The following ADAM8 variants were observed in gnomAD, a reference collection of about 807,000 sequenced individuals.
ADAM8 encodes the protein disintegrin and metalloproteinase domain-containing protein 8.
ADAM8 carries 104 observed loss-of-function variants against 102.4 expected under a neutral mutation model. That is an observed-to-expected ratio of 1.02 (90% CI 0.87 to 1.20). The LOEUF (loss-of-function observed/expected upper bound fraction) is 1.20, where lower values mean the gene tolerates loss of function less well. Among genes scored for constraint, ADAM8 ranks in the 50% most tolerant of loss-of-function variants. The pLI is 0.00. For synonymous variants in ADAM8, 517 were observed against 485.2 expected, an observed-to-expected ratio of 1.07 and a Z score of -0.86; for missense variants, 1,132 against 1,159.0, an observed-to-expected ratio of 0.98 and a Z score of 0.34.
rs536126291 is a variant in ADAM8 at position 133,272,827 on chromosome 10, C to T, written c.676G>A (p.Val226Met). The change falls in exon 8 of 23, where the codon GTG becomes ATG. Residue 226 changes from valine (V) to methionine (M), a missense_variant. By Grantham distance (21) the Val-to-Met change is conservative. Transcript: ENST00000445355. ...TCCACGTGATTCACCACCTCCAGCA[C>T]CCGATGACGCACGGCTGCTTCGCTC... Reference protein sequence around the residue: ...LGSEAAVRHRVLEVVNHVDKL... With the variant: ...LGSEAAVRHRMLEVVNHVDKL... 1.1e-5 allele frequency: 17 copies of T among 1,611,404 alleles called. No individual in the cohort carries two copies. The East Asian group carries it at 3.3e-4, about 32-fold the overall frequency.
Position 133,275,594 on chromosome 10 carries a change from G to C in ADAM8, c.47-7C>G. ...GGCCGGCTGGGGGCAATCGCTGCAG[G>C]AGGGAGGGTCAGCAGGCATGAGGGG... On this transcript the variant is annotated splice_region_variant and splice_polypyrimidine_tract_variant and intron_variant, in intron 1 of 22. Coordinates refer to ENST00000445355, the MANE Select transcript of ADAM8 (RefSeq NM_001109.5). 1 of 1,464,136 alleles carries C rather than the reference G, an allele frequency of 6.8e-7. No homozygotes were observed. The highest frequency in any genetic ancestry group is 9.0e-7 in the Non-Finnish European group (1 of 1,106,352). 90.7% of individuals were successfully genotyped at this position (1,464,136 alleles called of 1,614,324 possible).
At chr10:133,275,616 G>C (rs1242529751) in intron 1 of ADAM8, 29 bp from the exon 2 acceptor site, 2 of 1,274,216 alleles carry the variant, frequency 1.6e-6, no homozygotes, top group Non-Finnish European at 2.1e-6. Flanking sequence ...GCAGGCATGA[G>C]GGGCCGGGGG....
chr10:133,266,308 C>T (rs1292860999), intron 21 of ADAM8, among the ~76,000 whole-genome samples: 3 of 152,120 alleles, frequency 2.0e-5, no homozygotes, highest in African/African-American at 4.8e-5. Flanking sequence ...CTCGGCTGCG[C>T]GCCCACACTG....
In ADAM8 at chr10:133,270,449, A is replaced by G. The variant is rs186828920; in HGVS notation, c.1696T>C (p.Cys566Arg). The G allele has an allele frequency of 1.2e-6, 2 of 1,606,244 alleles. No individual in the cohort carries two copies. The highest frequency in any genetic ancestry group is 2.7e-5 in the African/African-American group (2 of 74,952). ...AGCGCGTGGCACACATCCACGATGCAGATGGCACGCCCCAGGGGCTGCTGC... is the reference window on the plus strand; with the variant it reads ...AGCGCGTGGCACACATCCACGATGCGGATGGCACGCCCCAGGGGCTGCTGC... ...GGQQPLGRAI[C>R]IVDVCHALTT... Residue 566 changes from cysteine (C) to arginine (R), a missense_variant, in exon 16 of 23, where the codon TGC becomes CGC. Physicochemically the swap from Cys to Arg is radical, Grantham distance 180 (BLOSUM62 -3). Transcript: ENST00000445355.
chr10:133,263,839 G>A (rs1196911146), intron 21 of ADAM8, 74 bp from the exon 22 acceptor site: 5 of 1,274,392 alleles, frequency 3.9e-6, no homozygotes, highest in Non-Finnish European at 5.2e-6. Flanking sequence ...CACCTTCTCT[G>A]GACCTGGAAC....
Position 133,273,153 on chromosome 10 carries a change from A to G in ADAM8, c.573+101T>C. 5.7e-6 allele frequency: 9 copies of G among 1,582,312 alleles called. No homozygotes were observed. The South Asian group carries it at 1.0e-4, about 18-fold the overall frequency. On this transcript the variant is annotated intron_variant, in intron 6 of 22. Transcript: ENST00000445355. The stretch of plus-strand genomic sequence containing the variant: ...TGGCCAGGCCTGCTCCAGGCTGCAG[A>G]CAATGGGCAGCACCCAGCACATGGG...
rs1846774479 is a variant in ADAM8, at chr10:133,276,796, G to C, written c.22C>G (p.Leu8Val). The C allele has an allele frequency of 2.6e-6, 4 of 1,532,400 alleles. No individual in the cohort carries two copies. Among genetic ancestry groups the C allele is most frequent in the Non-Finnish European group, 3.5e-6 (4 of 1,142,204 alleles). 94.9% of individuals were successfully genotyped at this position (1,532,400 alleles called of 1,614,324 possible). A position where few individuals can be genotyped will look rare whatever the true frequency, so the allele number is the denominator to read the frequency against. Residue 8 changes from leucine to valine, a missense_variant, in exon 1 of 23, where the codon CTG becomes GTG. Physicochemically the swap from Leu to Val is conservative, Grantham distance 32. Coordinates refer to ENST00000445355, the MANE Select transcript of ADAM8 (RefSeq NM_001109.5). MRGLGLW[L>V]LGAMMLPAIA... is the part of the protein sequence containing the mutation. ...CCAGGCAGCATCATCGCGCCCAGCA[G>C]CCAGAGCCCGAGGCCGCGCATGGCC...
intron 21 of ADAM8, 165 bp from the exon 22 acceptor site, chr10:133,263,930 C>T (rs1279394485): frequency 2.7e-5 from 15 of 547,742 alleles, no homozygotes; most frequent in Non-Finnish European, 3.6e-5. Context: ...GAAAAGCCCT[C>T]CTGGCTGCCA....
Position 133,270,955 on chromosome 10 carries a change from G to A in ADAM8, c.1490C>T (p.Pro497Leu). 2 of 1,612,806 alleles carry A rather than the reference G, an allele frequency of 1.2e-6. No individual in the cohort carries two copies. Among genetic ancestry groups the A allele is most frequent in the Non-Finnish European group, 1.7e-6 (2 of 1,179,936 alleles). ...PEDAFQENGTPCSGGYCYNGA... is the reference protein window; with the variant it reads ...PEDAFQENGTLCSGGYCYNGA... ...GTTGTAGCAGTAGCCCCCGGAGCAG[G>A]GCGTGCCGTTCTCCTGGAAGGCGTC... The change falls in exon 14 of 23, where the codon CCC becomes CTC. Residue 497 changes from proline to leucine, a missense_variant. By Grantham distance (98) the Pro-to-Leu change is moderately conservative (BLOSUM62 -3). Coordinates refer to ENST00000445355, the MANE Select transcript of ADAM8 (RefSeq NM_001109.5).
At chr10:133,275,674 T>C (rs1288398308) in intron 1 of ADAM8, 87 bp from the exon 2 acceptor site, 5 of 703,694 alleles carry the variant, frequency 7.1e-6, no homozygotes, top group Non-Finnish European at 1.1e-5. Flanking sequence ...TTCTGTCTCT[T>C]GCTGGGCTTG....
In ADAM8 at chr10:133,269,108, G is replaced by A. The variant is rs79619322; in HGVS notation, c.1949-246C>T. 3.9e-5 allele frequency: 38 copies of A among 985,450 alleles called. No homozygotes were observed. In the East Asian group the frequency reaches 3.9e-3, roughly 100 times the overall value. The allele number at this position is 985,450 out of a possible 1,614,324, so 61.0% of individuals were successfully genotyped here. A position where few individuals can be genotyped will look rare whatever the true frequency, so the allele number is the denominator to read the frequency against. ...GCCTTTGAGGCCTGATGCTCTGGAC[G>A]ACCACATGCTCAGTGGCCGCCGGGG... On this transcript the variant is annotated intron_variant, in intron 18 of 22. Transcript: ENST00000445355.
chr10:133,270,888 C>T lies in ADAM8; in HGVS notation c.1557G>A (p.Trp519Ter). The change falls in exon 14 of 23, where the codon TGG (tryptophan) becomes TGA (stop). Residue 519 changes from tryptophan to a stop codon, truncating the protein, a stop_gained. Transcript: ENST00000445355. LOFTEE classifies it high-confidence loss of function. The stretch of plus-strand genomic sequence containing the variant: ...GCTCTGTGCCCACTTCACCTGGCCC[C>T]CAGAAGGCCTGGCACTGCTGGGCCA... ...PTLAQQCQAF[W>*]GPGGQAAEES... is the part of the protein sequence containing the mutation. 6.2e-7 allele frequency: 1 copy of T among 1,610,722 alleles called. No individual in the cohort carries two copies. Among genetic ancestry groups the T allele is most frequent in the African/African-American group, 1.3e-5 (1 of 75,014 alleles).
intron 2 of ADAM8, chr10:133,275,033 C>T: frequency 6.9e-6 from 2 of 290,222 alleles, no homozygotes; most frequent in South Asian, 5.5e-5. Context: ...CACATGTGTG[C>T]ACACCCACCC....
intron 17 of ADAM8, 56 bp from the exon 18 acceptor site, chr10:133,269,585 G>A (rs1846449073): frequency 1.3e-6 from 2 of 1,485,436 alleles, no homozygotes; most frequent in East Asian, 2.4e-5. Context: ...AGGGGCCGTG[G>A]GGGCCGTGCC....
Position 133,275,019 on chromosome 10 carries a change from C to T in ADAM8, c.150+465G>A, listed in dbSNP as rs115570579. ...GAAACAGGTGCACACATGCATATGCCGTGCACATGTGTGCACACCCACCCA... is the reference window on the plus strand; with the variant it reads ...GAAACAGGTGCACACATGCATATGCTGTGCACATGTGTGCACACCCACCCA... On this transcript the variant is annotated intron_variant, in intron 2 of 22. Coordinates refer to ENST00000445355, the MANE Select transcript of ADAM8 (RefSeq NM_001109.5). The T allele has an allele frequency of 2.4e-3, 776 of 319,406 alleles. 5 individuals are homozygous for T. Among genetic ancestry groups the T allele is most frequent in the African/African-American group, 0.016 (710 of 44,746 alleles). The allele number at this position is 319,406 out of a possible 1,614,324, so 19.8% of individuals were successfully genotyped here. A position where few individuals can be genotyped will look rare whatever the true frequency, so the allele number is the denominator to read the frequency against.
At chr10:133,269,347 C>T in intron 18 of ADAM8, 98 bp downstream of exon 18, 1 of 1,332,458 alleles carries the variant, frequency 7.5e-7, no homozygotes, top group Non-Finnish European at 9.9e-7. Flanking sequence ...GCACCGTGAA[C>T]ACCACCAGCT....
rs763702954 is a variant in ADAM8 at position 133,271,190 on chromosome 10, C to T, written c.1374+10G>A. 8 of 1,608,950 alleles carry T rather than the reference C, an allele frequency of 5.0e-6. No individual in the cohort carries two copies. The highest frequency in any genetic ancestry group is 1.7e-5 in the Admixed American group (1 of 59,728). On this transcript the variant is annotated intron_variant, in intron 13 of 22. Coordinates refer to ENST00000445355, the MANE Select transcript of ADAM8 (RefSeq NM_001109.5). ...GGCTCTGGGGGTCACTGGTGGGAGGCTGCACTCACCTTGCACTCCTGGCAG... is the reference window on the plus strand; with the variant it reads ...GGCTCTGGGGGTCACTGGTGGGAGGTTGCACTCACCTTGCACTCCTGGCAG...
At chr10:133,272,743 C>CA (rs1394019543) in intron 8 of ADAM8, 55 bp downstream of exon 8, 1 of 1,557,358 alleles carries the variant, frequency 6.4e-7, no homozygotes, top group Non-Finnish European at 8.7e-7. Context: ...TGGCAACACC[C>CA]CCCCCACCTC....
Position 133,267,358 on chromosome 10 carries a change from T to A in ADAM8, c.2313A>T (p.Pro771=). The change falls in exon 21 of 23, where the codon CCA becomes CCT. Residue 771 remains proline (P), a synonymous_variant. Coordinates refer to ENST00000445355, the MANE Select transcript of ADAM8 (RefSeq NM_001109.5). ...CCCAATCACCACTGCTCACCTGCTTTGGTGCCTGCCGGGTGTAGACAGGAA... is the reference window on the plus strand; with the variant it reads ...CCCAATCACCACTGCTCACCTGCTTAGGTGCCTGCCGGGTGTAGACAGGAA... The part of the protein sequence containing the change: ...FPVPVYTRQA[P]KQVIKPTFAP... The A allele has an allele frequency of 6.2e-7, 1 of 1,608,600 alleles. No individual in the cohort carries two copies. The highest frequency in any genetic ancestry group is 8.5e-7 in the Non-Finnish European group (1 of 1,178,494).
Sources: gnomAD v4.1 joint callset for allele counts (sites outside exome capture counted in the v4.1 genomes callset) on GRCh38, gnomAD v4.1.1 for gene constraint, MANE v1.5 for transcripts, NCBI Gene and HGNC (gene_info 2026-07-23, HGNC 2026-07-21) for gene names.